The following STRBP variants were observed in gnomAD, a reference collection of about 807,000 sequenced individuals.
STRBP encodes spermatid perinuclear RNA binding protein, also known as spermatid perinuclear RNA-binding protein.
A neutral mutation model predicts 80.1 loss-of-function variants in STRBP; 13 were observed. The observed-to-expected ratio is 0.16, with a 90% CI of 0.11 to 0.26. The LOEUF (loss-of-function observed/expected upper bound fraction) is 0.26. Among genes scored for constraint, STRBP ranks in the 10% least tolerant of loss-of-function variants. The pLI, the probability that STRBP is intolerant of heterozygous loss-of-function variation, is 1.00. For synonymous variants in STRBP, 284 were observed against 291.2 expected, an observed-to-expected ratio of 0.98 and a Z score of 0.25; for missense variants, 485 against 815.2, an observed-to-expected ratio of 0.59 and a Z score of 4.93.
intron 2 of STRBP, among the ~76,000 whole-genome samples, chr9:123,194,265 C>T (rs1054162108): frequency 1.3e-5 from 2 of 152,126 alleles, no homozygotes; most frequent in African/African-American, 4.8e-5. Context: ...CATCATTAAC[C>T]ATATATTCTT....
chr9:123,132,729 T>C (rs1166083526), intron 17 of STRBP, 116 bp downstream of exon 17: 3 of 1,391,532 alleles, frequency 2.2e-6, no homozygotes, highest in Non-Finnish European at 2.9e-6. Context: ...TCTGTGTACA[T>C]TCATGCCTGT....
chr9:123,192,334 GAAC>G (rs2038953512), intron 2 of STRBP, among the ~76,000 whole-genome samples: 1 of 151,988 alleles, frequency 6.6e-6, no homozygotes, highest in Admixed American at 6.6e-5. Flanking sequence ...AAAAGGAGAA[GAAC>G]AACTATACTC....
chr9:123,185,354 G>A (rs1296083007), intron 2 of STRBP, among the ~76,000 whole-genome samples: 1 of 152,132 alleles, frequency 6.6e-6, no homozygotes, highest in Non-Finnish European at 1.5e-5. Flanking sequence ...ATTGCTTGAA[G>A]CCAGAAGTTC....
intron 1 of STRBP, among the ~76,000 whole-genome samples, chr9:123,263,732 G>A (rs994447255): frequency 6.6e-5 from 10 of 152,060 alleles, no homozygotes; most frequent in African/African-American, 2.4e-4. Flanking sequence ...ACTAAAACTT[G>A]AAAAAGGAAG....
At position 123,122,845 on chromosome 9, in the gene STRBP, T is replaced by C. The variant is rs115378749; in HGVS notation, c.*2752A>G. On this transcript the variant is annotated 3_prime_UTR_variant, in exon 19 of 19. Transcript: ENST00000348403. ...GAACATAGCACAGCTCACACGCTAA[T>C]TTTAAGCTCTACACTGACCTGTAAA... is the stretch of plus-strand genomic sequence containing the variant. The C allele has an allele frequency of 2.6e-3, 2,522 of 985,414 alleles. 59 individuals are homozygous for C. The African/African-American group carries it at 0.041, about 16-fold the overall frequency. The allele number at this position is 985,414 out of a possible 1,614,324, so 61.0% of individuals were successfully genotyped here.
Position 123,158,063 on chromosome 9 carries a change from G to T in STRBP, c.994C>A (p.Pro332Thr). 6.2e-7 allele frequency: 1 copy of T among 1,609,864 alleles called. No individual in the cohort carries two copies. Among genetic ancestry groups the T allele is most frequent in the Non-Finnish European group, 8.5e-7 (1 of 1,178,756 alleles). The part of the protein sequence containing the change: ...IYKVLEMDPL[P>T]SSKPFQKYSW... ...TACTTCTGAAAAGGCTTACTAGATG[G>T]AAGGGGGTCCATCTCCAGCACTTTG... The change falls in exon 11 of 19, where the codon CCA becomes ACA. Residue 332 changes from proline to threonine, a missense_variant. Transcript: ENST00000348403.
intron 1 of STRBP, among the ~76,000 whole-genome samples, chr9:123,255,478 C>G (rs1478376172): frequency 6.6e-6 from 1 of 152,166 alleles, no homozygotes; most frequent in African/African-American, 2.4e-5. Flanking sequence ...TATCCATAAC[C>G]AATGAAGCAG....
At chr9:123,177,998 T>C (rs2038294865) in intron 4 of STRBP, among the ~76,000 whole-genome samples, 1 of 152,164 alleles carries the variant, frequency 6.6e-6, no homozygotes, top group Non-Finnish European at 1.5e-5. Flanking sequence ...AAATTACACA[T>C]TTCCAAGAAC....
chr9:123,207,536 G>A (rs2039562181), intron 2 of STRBP, among the ~76,000 whole-genome samples: 1 of 152,056 alleles, frequency 6.6e-6, no homozygotes, highest in Admixed American at 6.6e-5. Flanking sequence ...AAAAATTCAG[G>A]AGAGTGGTTA....
intron 1 of STRBP, among the ~76,000 whole-genome samples, chr9:123,259,114 T>C (rs1446350893): frequency 6.6e-6 from 1 of 151,052 alleles, no homozygotes; most frequent in Non-Finnish European, 1.5e-5. Context: ...GAAGGTAATG[T>C]AGGCTTATGC....
intron 13 of STRBP, among the ~76,000 whole-genome samples, chr9:123,140,148 C>T (rs1342073280): frequency 6.6e-6 from 1 of 152,156 alleles, no homozygotes; most frequent in African/African-American, 2.4e-5. Flanking sequence ...ACTGGTTGAC[C>T]TCTAAGTTAT....
chr9:123,149,134 A>G (rs752649519), intron 11 of STRBP, among the ~76,000 whole-genome samples: 7 of 152,220 alleles, frequency 4.6e-5, no homozygotes, highest in Non-Finnish European at 7.3e-5. Context: ...CAAGATTTCC[A>G]GATTCTTCTA....
chr9:123,185,794 A>G (rs2038673019), intron 2 of STRBP, among the ~76,000 whole-genome samples: 1 of 152,154 alleles, frequency 6.6e-6, no homozygotes, highest in African/African-American at 2.4e-5. Context: ...CTTTCTTTAT[A>G]TTAGTGAAGC....
At chr9:123,116,255 C>T (rs971950539) in intron 2 of STRBP, among the ~76,000 whole-genome samples, 29 of 152,244 alleles carry the variant, frequency 1.9e-4, no homozygotes, top group African/African-American at 5.8e-4. Flanking sequence ...GAGCCAGGAA[C>T]GGAGGATGTG....
At chr9:123,258,619 C>T (rs1448704951) in intron 1 of STRBP, among the ~76,000 whole-genome samples, 2 of 151,930 alleles carry the variant, frequency 1.3e-5, no homozygotes, top group East Asian at 1.9e-4. Flanking sequence ...CTGGCTAACA[C>T]AGTGAAACCC....
chr9:123,120,482 C>CA (rs2035713334), downstream of STRBP, among the ~76,000 whole-genome samples: 1 of 5,424 alleles, frequency 1.8e-4, no homozygotes, highest in Non-Finnish European at 4.9e-4. Flanking sequence ...TAATTGCGGG[C>CA]GGGGGGGTGG....
At chr9:123,237,504 T>C (rs2040594349) in intron 1 of STRBP, among the ~76,000 whole-genome samples, 1 of 151,884 alleles carries the variant, frequency 6.6e-6, no homozygotes, top group South Asian at 2.1e-4. Flanking sequence ...GAGGAGAAAT[T>C]ATATTTGTAC....
In STRBP at chr9:123,135,872, C is replaced by A. The variant is rs549682176; in HGVS notation, c.1773+169G>T. Reference sequence around the variant, plus strand: ...TTTAGAAAGTCCATAGAACATGAAACCACTAATCAAATTTATATTATTCGT... The same window carrying A: ...TTTAGAAAGTCCATAGAACATGAAAACACTAATCAAATTTATATTATTCGT... On this transcript the variant is annotated intron_variant, in intron 16 of 18. Coordinates refer to ENST00000348403, the MANE Select transcript of STRBP (RefSeq NM_018387.5). 2.0e-4 allele frequency: 136 copies of A among 691,684 alleles called. 1 individual carries two copies. In the South Asian group the frequency reaches 2.7e-3, roughly 14 times the overall value. 42.8% of individuals were successfully genotyped at this position (691,684 alleles called of 1,614,324 possible).
At chr9:123,144,511 G>A (rs981448927) in intron 13 of STRBP, among the ~76,000 whole-genome samples, 5 of 152,134 alleles carry the variant, frequency 3.3e-5, no homozygotes, top group African/African-American at 1.2e-4. Flanking sequence ...CAGTGAATTT[G>A]CATCAAACTT....
Sources: gnomAD v4.1 joint callset for allele counts (sites outside exome capture counted in the v4.1 genomes callset) on GRCh38, gnomAD v4.1.1 for gene constraint, MANE v1.5 for transcripts, NCBI Gene and HGNC (gene_info 2026-07-23, HGNC 2026-07-21) for gene names.